USH2A: variants seen among roughly 807,000 people sequenced by gnomAD.
USH2A encodes the protein usherin, also known as Usher syndrome 2A (autosomal recessive, mild).
In USH2A, 443 loss-of-function variants were observed where a neutral mutation model predicts 538.9. That is an observed-to-expected ratio of 0.82 (90% CI 0.76 to 0.89). The LOEUF is 0.89. Ranked by LOEUF, USH2A falls within the 40% of genes least tolerant of loss-of-function variation. The probability of loss-of-function intolerance (pLI) is 0.00; values close to 1 mark genes in which losing one functional copy is unlikely to be tolerated. For synonymous variants in USH2A, 2,413 were observed against 2,273.5 expected, an observed-to-expected ratio of 1.06 and a Z score of -1.75; for missense variants, 6,633 against 6,324.8, an observed-to-expected ratio of 1.05 and a Z score of -1.65.
Position 216,251,312 on chromosome 1 carries a change from C to T in USH2A, c.1972-214G>A, listed in dbSNP as rs532437045. Among the ~76,000 whole-genome samples, 17 of 150,894 alleles carry T rather than the reference C, an allele frequency of 1.1e-4. No homozygotes were observed. The South Asian group carries it at 2.9e-3, about 26-fold the overall frequency. The stretch of plus-strand genomic sequence containing the variant: ...GAAAATAAAACCCATAGAAGTTAGT[C>T]GTATAAGAATAAAAGGGAAATGGGG... On this transcript the variant is annotated intron_variant, in intron 11 of 71. Coordinates refer to ENST00000307340, the MANE Select transcript of USH2A (RefSeq NM_206933.4).
intron 3 of USH2A, among the ~76,000 whole-genome samples, chr1:216,383,357 A>T (rs935164074): frequency 6.6e-6 from 1 of 152,196 alleles, no homozygotes; most frequent in Admixed American, 6.5e-5. Flanking sequence ...AGAAAGCTCA[A>T]TTCAAATTAA....
At position 215,766,762 on chromosome 1, in the gene USH2A, A is replaced by G. The variant is rs1293258801; in HGVS notation, c.10966T>C (p.Phe3656Leu). The change falls in exon 56 of 72, where the codon TTC becomes CTC. Residue 3656 changes from phenylalanine to leucine, a missense_variant. Coordinates refer to ENST00000307340, the MANE Select transcript of USH2A (RefSeq NM_206933.4). Reference protein sequence around the residue: ...TGLQPYTNYSFTLTACTSAGC... With the variant: ...TGLQPYTNYSLTLTACTSAGC... ...GCAGATGTACAAGCTGTAAGAGTGA[A>G]GCTGTAGTTGGTGTATGGCTGGAGA... 2 of 1,613,650 alleles carry G rather than the reference A, an allele frequency of 1.2e-6. No individual in the cohort carries two copies. Among genetic ancestry groups the G allele is most frequent in the South Asian group, 2.2e-5 (2 of 91,086 alleles).
intron 21 of USH2A, among the ~76,000 whole-genome samples, chr1:216,141,508 A>T (rs1335975166): frequency 2.0e-5 from 3 of 152,204 alleles, no homozygotes; most frequent in Non-Finnish European, 2.9e-5. Context: ...TGCATGGTTG[A>T]GGGAGTCTAA....
intron 64 of USH2A, among the ~76,000 whole-genome samples, 180 bp downstream of exon 64, chr1:215,670,792 A>T (rs1307170849): frequency 1.3e-5 from 2 of 152,190 alleles, no homozygotes; most frequent in African/African-American, 4.8e-5. Context: ...CAAGAAAATG[A>T]AAAAGGCAAT....
chr1:215,676,582 C>T (rs1658035151), intron 62 of USH2A, among the ~76,000 whole-genome samples: 1 of 152,148 alleles, frequency 6.6e-6, no homozygotes, highest in African/African-American at 2.4e-5. Flanking sequence ...TTAATTTAGA[C>T]TAAATTGTTA....
chr1:216,255,825 T>C (rs1303459445), intron 11 of USH2A, among the ~76,000 whole-genome samples: 1 of 152,184 alleles, frequency 6.6e-6, no homozygotes. Context: ...GAGAAGGGTA[T>C]TGAAATTTTT....
At chr1:216,285,691 G>T (rs1042832310) in intron 11 of USH2A, among the ~76,000 whole-genome samples, 3 of 152,228 alleles carry the variant, frequency 2.0e-5, no homozygotes, top group African/African-American at 7.2e-5. Context: ...ATGCCAGCCT[G>T]TGAAAGGAGC....
intron 41 of USH2A, among the ~76,000 whole-genome samples, chr1:215,885,238 A>G (rs1012484003): frequency 1.3e-5 from 2 of 151,856 alleles, no homozygotes; most frequent in African/African-American, 4.8e-5. Context: ...AAAAAAAACC[A>G]TATGGGCTTT....
chr1:216,141,863 A>G (rs1285754495), intron 21 of USH2A, among the ~76,000 whole-genome samples: 1 of 152,042 alleles, frequency 6.6e-6, no homozygotes, highest in Admixed American at 6.6e-5. Context: ...TCACCCACCA[A>G]CTATTACTGA....
chr1:216,102,066 T>C (rs1422052047), intron 21 of USH2A, among the ~76,000 whole-genome samples: 1 of 152,120 alleles, frequency 6.6e-6, no homozygotes, highest in Non-Finnish European at 1.5e-5. Context: ...AATTAGACCA[T>C]GTTAGAATTA....
Position 216,243,043 on chromosome 1 carries a change from A to G in USH2A, c.2809+3542T>C, listed in dbSNP as rs371697660. Reference sequence around the variant, plus strand: ...AAATAACTGCACTGTTCAACAAAATATAATAATCCAAATCTGTAGCTTGAT... The same window carrying G: ...AAATAACTGCACTGTTCAACAAAATGTAATAATCCAAATCTGTAGCTTGAT... On this transcript the variant is annotated intron_variant, in intron 13 of 71. Coordinates refer to ENST00000307340, the MANE Select transcript of USH2A (RefSeq NM_206933.4). Among the ~76,000 whole-genome samples the G allele has an allele frequency of 9.8e-5, 15 of 152,320 alleles. 1 individual carries two copies. Among genetic ancestry groups the G allele is most frequent in the Admixed American group, 3.9e-4 (6 of 15,302 alleles).
chr1:215,880,599 G>A (rs1454197720), intron 41 of USH2A, among the ~76,000 whole-genome samples: 1 of 152,122 alleles, frequency 6.6e-6, no homozygotes, highest in Non-Finnish European at 1.5e-5. Flanking sequence ...GATATAGGAC[G>A]CTATTTGTTT....
At chr1:216,007,027 C>CA (rs1187958655) in intron 32 of USH2A, among the ~76,000 whole-genome samples, 2 of 152,102 alleles carry the variant, frequency 1.3e-5, no homozygotes, top group Non-Finnish European at 2.9e-5. Context: ...CAGTTTCCCC[C>CA]TTCTGTTCTC....
chr1:215,848,276 G>A (rs1366284492), intron 44 of USH2A, among the ~76,000 whole-genome samples: 1 of 152,116 alleles, frequency 6.6e-6, no homozygotes, highest in Non-Finnish European at 1.5e-5. Flanking sequence ...TGTAGTTTAT[G>A]TTGAATTTTA....
intron 50 of USH2A, among the ~76,000 whole-genome samples, chr1:215,791,806 A>T (rs529362444): frequency 6.6e-6 from 1 of 152,186 alleles, no homozygotes; most frequent in Non-Finnish European, 1.5e-5. Flanking sequence ...AAATACACAT[A>T]TTTATGTGTG....
intron 9 of USH2A, among the ~76,000 whole-genome samples, chr1:216,294,241 A>G (rs1211968497): frequency 6.6e-6 from 1 of 152,156 alleles, no homozygotes; most frequent in Non-Finnish European, 1.5e-5. Flanking sequence ...TAATAAAAAT[A>G]TTCTTTATAA....
intron 44 of USH2A, among the ~76,000 whole-genome samples, chr1:215,854,347 T>G (rs1432942232): frequency 6.6e-6 from 1 of 152,160 alleles, no homozygotes; most frequent in Non-Finnish European, 1.5e-5. Context: ...GTGGGCATTA[T>G]GGGAGCTACA....
intron 35 of USH2A, among the ~76,000 whole-genome samples, chr1:215,991,643 T>A (rs1668007216): frequency 1.3e-5 from 2 of 152,210 alleles, no homozygotes; most frequent in African/African-American, 4.8e-5. Flanking sequence ...ATGAGTACAT[T>A]TTAAAACTGC....
chr1:216,209,896 C>T (rs974896801), intron 15 of USH2A, among the ~76,000 whole-genome samples: 2 of 152,178 alleles, frequency 1.3e-5, no homozygotes, highest in Admixed American at 1.3e-4. Context: ...TTCTGTTCTG[C>T]TTCTACCTGT....
Sources: allele counts gnomAD v4.1 joint callset (sites outside exome capture counted in the v4.1 genomes callset), GRCh38; gene constraint gnomAD v4.1.1; transcripts MANE v1.5; gene names NCBI Gene and HGNC (gene_info 2026-07-23, HGNC 2026-07-21).